The following KDM4B variants were observed in gnomAD, a reference collection of about 807,000 sequenced individuals.
The protein encoded by KDM4B is lysine-specific demethylase 4B.
In KDM4B, 32 loss-of-function variants were observed where a neutral mutation model predicts 125.2. The observed-to-expected ratio is 0.26, with a 90% CI of 0.19 to 0.34. The LOEUF (loss-of-function observed/expected upper bound fraction) is 0.34, where lower values mean the gene tolerates loss of function less well. KDM4B is among the 10% of genes least tolerant of loss of function. The pLI, the probability that KDM4B is intolerant of heterozygous loss-of-function variation, is 1.00. For synonymous variants in KDM4B, 721 were observed against 677.9 expected (o/e 1.06, Z -0.99); for missense variants, 1,190 against 1,577.7 (o/e 0.75, Z 4.16).
intron 10 of KDM4B, among the ~76,000 whole-genome samples, chr19:5,116,418 A>G (rs1478316543): frequency 1.3e-5 from 2 of 152,156 alleles, no homozygotes; most frequent in African/African-American, 4.8e-5. Flanking sequence ...TGAGGGGAAT[A>G]AGGATCTTTT....
chr19:5,138,166 C>G, intron 18 of KDM4B, 96 bp downstream of exon 18: 1 of 904,928 alleles, frequency 1.1e-6, no homozygotes, highest in Non-Finnish European at 1.7e-6. Flanking sequence ...GGTCTTTCCT[C>G]CAAGCTCTGC....
Position 5,035,016 on chromosome 19 carries a change from T to C in KDM4B, c.141+1985T>C, listed in dbSNP as rs561691044. ...TTTTGATTGTAACACACCATGACGA[T>C]GTGGGAATGATGGCACATCTGTGTC... On this transcript the variant is annotated intron_variant, in intron 3 of 22. Transcript: ENST00000159111. This position sits in a 1 kb window ranked among gnomAD's most constrained non-coding sequence, Gnocchi z 5.3. Among the ~76,000 whole-genome samples, 4 of 152,136 alleles carry C rather than the reference T, an allele frequency of 2.6e-5. No homozygotes were observed. Among genetic ancestry groups the C allele is most frequent in the Non-Finnish European group, 4.4e-5 (3 of 68,024 alleles).
intron 2 of KDM4B, among the ~76,000 whole-genome samples, chr19:5,017,071 C>T (rs1386577230): frequency 1.3e-5 from 2 of 152,188 alleles, no homozygotes; most frequent in Admixed American, 6.5e-5. Flanking sequence ...CCTTGTGCGG[C>T]GTCGCCCTTG....
intron 6 of KDM4B, among the ~76,000 whole-genome samples, chr19:5,059,979 G>C (rs985471839): frequency 6.6e-6 from 1 of 152,220 alleles, no homozygotes; most frequent in Non-Finnish European, 1.5e-5. Flanking sequence ...GCAGAGCCTG[G>C]TGCTGGAGCA....
intron 11 of KDM4B, among the ~76,000 whole-genome samples, chr19:5,128,282 G>GC (rs2039484145): frequency 6.6e-6 from 1 of 152,194 alleles, no homozygotes; most frequent in Admixed American, 6.5e-5. Context: ...GCACTGAGTG[G>GC]CCCTGCAGCT....
At chr19:5,021,787 C>T (rs1042180183) in intron 2 of KDM4B, among the ~76,000 whole-genome samples, 25 of 151,994 alleles carry the variant, frequency 1.6e-4, no homozygotes, top group Non-Finnish European at 3.1e-4. Context: ...GAGCGTGCCA[C>T]CATGCCCGGC....
intron 7 of KDM4B, chr19:5,074,457 T>C (rs1031397456): frequency 1.3e-5 from 2 of 151,694 alleles, no homozygotes; most frequent in African/African-American, 2.4e-5. Flanking sequence ...ACCGGGAGAG[T>C]TGTGGAGCCT....
At chr19:5,001,798 A>T (rs1288801316) in intron 1 of KDM4B, among the ~76,000 whole-genome samples, 1 of 152,138 alleles carries the variant, frequency 6.6e-6, no homozygotes, top group Non-Finnish European at 1.5e-5. Context: ...TGGAGTTCTA[A>T]TGATTGTTCC....
intron 6 of KDM4B, among the ~76,000 whole-genome samples, chr19:5,048,484 C>G (rs1216904786): frequency 6.6e-6 from 1 of 152,104 alleles, no homozygotes; most frequent in Admixed American, 6.5e-5. Flanking sequence ...GGGCCGCGCT[C>G]ATGCCTGGAA....
chr19:5,139,834 G>C (rs886892683), intron 18 of KDM4B, among the ~76,000 whole-genome samples: 2 of 152,230 alleles, frequency 1.3e-5, no homozygotes, highest in African/African-American at 4.8e-5. Context: ...GAGGCCCCCC[G>C]TAGATGCGCG....
intron 4 of KDM4B, among the ~76,000 whole-genome samples, chr19:5,040,562 C>T (rs887210019): frequency 4.6e-5 from 7 of 152,194 alleles, no homozygotes; most frequent in African/African-American, 1.7e-4. Context: ...TACCCAGGTA[C>T]ACATGGCACC....
chr19:5,131,647 GCAGGGA>G, intron 12 of KDM4B, 102 bp downstream of exon 12: 1 of 425,890 alleles, frequency 2.3e-6, no homozygotes, highest in Admixed American at 3.5e-5. Context: ...GGGGGAGGGG[GCAGGGA>G]GGAGGGGACA....
intron 5 of KDM4B, among the ~76,000 whole-genome samples, chr19:5,042,166 T>C (rs984702396): frequency 2.0e-5 from 3 of 152,228 alleles, no homozygotes; most frequent in East Asian, 1.9e-4. Context: ...ATCTTGGAGA[T>C]GGGCCCTAAG....
chr19:5,051,065 C>T (rs554814656), intron 6 of KDM4B, among the ~76,000 whole-genome samples: 307 of 152,116 alleles, frequency 2.0e-3, no homozygotes, highest in Non-Finnish European at 3.2e-3. Flanking sequence ...CCTCCTGAGC[C>T]GCCCGGGCCA....
At chr19:5,145,239 T>C (rs911890158) in intron 21 of KDM4B, among the ~76,000 whole-genome samples, 2 of 151,694 alleles carry the variant, frequency 1.3e-5, no homozygotes, top group African/African-American at 2.4e-5. Flanking sequence ...TTAATCAAAT[T>C]GGTAGTGAGT....
At chr19:5,112,935 G>A (rs1339191901) in intron 10 of KDM4B, 2 of 152,424 alleles carry the variant, frequency 1.3e-5, no homozygotes, top group African/African-American at 4.8e-5. Flanking sequence ...TTGCATAATG[G>A]TTAATTGATT....
At chr19:5,069,278 G>C (rs1288498709) in intron 6 of KDM4B, among the ~76,000 whole-genome samples, 1 of 152,012 alleles carries the variant, frequency 6.6e-6, no homozygotes. Flanking sequence ...TCTGGCTCCT[G>C]CCCCCTCCTT....
intron 9 of KDM4B, among the ~76,000 whole-genome samples, chr19:5,090,271 G>T (rs2038647721): frequency 2.0e-5 from 3 of 151,902 alleles, no homozygotes; most frequent in Non-Finnish European, 4.4e-5. Flanking sequence ...GCCTCGCCAG[G>T]CTGAGGCTTA....
intron 11 of KDM4B, among the ~76,000 whole-genome samples, chr19:5,121,080 C>G (rs2039351826): frequency 6.6e-6 from 1 of 152,202 alleles, no homozygotes; most frequent in South Asian, 2.1e-4. Context: ...CCAGGGGCAG[C>G]CGTGGGGTGC....
Sources: gnomAD v4.1 joint callset for allele counts (sites outside exome capture counted in the v4.1 genomes callset) on GRCh38, gnomAD v4.1.1 for gene constraint, Gnocchi (gnomAD v3.1) non-coding constraint, MANE v1.5 for transcripts, NCBI Gene and HGNC (gene_info 2026-07-23, HGNC 2026-07-21) for gene names.